MBOAT2: variants seen among roughly 807,000 people sequenced by gnomAD.
MBOAT2 encodes the protein membrane-bound glycerophospholipid O-acyltransferase 2.
In MBOAT2, 28 loss-of-function variants were observed where a neutral mutation model predicts 63.4. The ratio of observed to expected loss-of-function variants is 0.44; its 90% CI spans 0.33 to 0.61. MBOAT2 has a LOEUF of 0.61. Ranked by LOEUF, MBOAT2 falls within the 20% of genes least tolerant of loss-of-function variation. The pLI, the probability that MBOAT2 is intolerant of heterozygous loss-of-function variation, is 0.03. For synonymous variants in MBOAT2, 211 were observed against 215.6 expected (o/e 0.98, Z 0.19); for missense variants, 470 against 605.8 (o/e 0.78, Z 2.35).
chr2:8,893,070 T>TGGGGGAGGAGGCAGGGGGAGGGGGG (rs1664130933), intron 4 of MBOAT2, among the ~76,000 whole-genome samples: 7 of 14,432 alleles, frequency 4.9e-4, no homozygotes, highest in South Asian at 2.3e-3. Context: ...GGGGAGGGGG[T>TGGGGGAGGAGGCAGGGGGAGGGGGG]GGGGGAGGAG....
chr2:8,934,905 T>C (rs757082986), intron 3 of MBOAT2, among the ~76,000 whole-genome samples: 1 of 152,156 alleles, frequency 6.6e-6, no homozygotes, highest in Non-Finnish European at 1.5e-5. Context: ...ACTTCCAAGA[T>C]CATCATTCAT....
intron 4 of MBOAT2, among the ~76,000 whole-genome samples, chr2:8,907,375 AG>A (rs1466944693): frequency 6.6e-6 from 1 of 152,258 alleles, no homozygotes; most frequent in Non-Finnish European, 1.5e-5. Context: ...AGACCAATAT[AG>A]GTGCAAATTC....
At chr2:8,908,593 G>T in intron 4 of MBOAT2, 28 bp downstream of exon 4, 2 of 1,290,990 alleles carry the variant, frequency 1.5e-6, no homozygotes, top group Non-Finnish European at 2.2e-6. Flanking sequence ...GGATAAAACA[G>T]GCTACTGAAT....
At chr2:8,909,819 C>T (rs1665582239) in intron 3 of MBOAT2, among the ~76,000 whole-genome samples, 1 of 152,150 alleles carries the variant, frequency 6.6e-6, no homozygotes, top group Non-Finnish European at 1.5e-5. Context: ...ATTGAGAAAT[C>T]AAATTTTAAA....
intron 1 of MBOAT2, among the ~76,000 whole-genome samples, chr2:8,973,067 C>T (rs1196801362): frequency 6.6e-6 from 1 of 152,166 alleles, no homozygotes; most frequent in African/African-American, 2.4e-5. Context: ...GATAAATGCA[C>T]ACATATTTTT....
At chr2:9,000,801 T>C (rs1028051850) in intron 1 of MBOAT2, among the ~76,000 whole-genome samples, 1 of 152,246 alleles carries the variant, frequency 6.6e-6, no homozygotes, top group Non-Finnish European at 1.5e-5. Context: ...ACTGAATTTA[T>C]AAAATATATT....
In MBOAT2 at chr2:8,877,231, G is replaced by C. The variant is rs1247137967; in HGVS notation, c.507-18C>G. The C allele has an allele frequency of 1.2e-6, 2 of 1,603,844 alleles. No individual in the cohort carries two copies. The highest frequency in any genetic ancestry group is 2.7e-5 in the African/African-American group (2 of 74,578). On this transcript the variant is annotated intron_variant, in intron 6 of 12. Transcript: ENST00000305997. ...GCATGCGCCTGCAATGAAAAGACAT[G>C]CAACCAGTGAGATGCAGCATAAGCT... is the stretch of plus-strand genomic sequence containing the variant.
At chr2:8,979,573 T>C (rs1472849155) in intron 1 of MBOAT2, among the ~76,000 whole-genome samples, 1 of 152,164 alleles carries the variant, frequency 6.6e-6, no homozygotes, top group Non-Finnish European at 1.5e-5. Flanking sequence ...GTTGTTAAGA[T>C]ACTTGCAAGC....
chr2:8,907,829 A>G (rs561659447), intron 4 of MBOAT2, among the ~76,000 whole-genome samples: 2 of 152,278 alleles, frequency 1.3e-5, no homozygotes, highest in East Asian at 3.9e-4. Context: ...CTTGTTTTAT[A>G]GAAGTGATTT....
chr2:8,948,333 C>T (rs1429274493), intron 2 of MBOAT2, among the ~76,000 whole-genome samples: 1 of 152,074 alleles, frequency 6.6e-6, no homozygotes, highest in Non-Finnish European at 1.5e-5. Context: ...ATAACAACAA[C>T]AAAAAATTTT....
At chr2:8,932,411 A>G (rs971710588) in intron 3 of MBOAT2, among the ~76,000 whole-genome samples, 5 of 152,222 alleles carry the variant, frequency 3.3e-5, no homozygotes, top group Non-Finnish European at 7.3e-5. Context: ...TGAAGAAGAC[A>G]GAGAAGAAGC....
In MBOAT2 at chr2:9,003,360, G is replaced by A. The variant is rs1302324168; in HGVS notation, c.75+180C>T. 3.9e-5 allele frequency among the ~76,000 whole-genome samples: 6 copies of A among 152,034 alleles called. No homozygotes were observed. Among genetic ancestry groups the A allele is most frequent in the Non-Finnish European group, 8.8e-5 (6 of 67,962 alleles). On this transcript the variant is annotated intron_variant, in intron 1 of 12. Transcript: ENST00000305997. The surrounding 1 kb of genome is among the most constrained non-coding windows in gnomAD (Gnocchi z 5.4). The stretch of plus-strand genomic sequence containing the variant: ...GCGGGCTGGGGGCGCACCCAGGAGG[G>A]AGGGGGCTCTGGGACAATAACCGGC...
At chr2:8,974,512 T>C in intron 1 of MBOAT2, 1 of 445,496 alleles carries the variant, frequency 2.2e-6, no homozygotes, top group East Asian at 7.0e-5. Context: ...AGCCACTGAA[T>C]TAACCAATCC....
At chr2:8,933,247 CTTATTT>C (rs2103209528) in intron 3 of MBOAT2, among the ~76,000 whole-genome samples, 1 of 152,150 alleles carries the variant, frequency 6.6e-6, no homozygotes, top group South Asian at 2.1e-4. Flanking sequence ...GAGTAATATT[CTTATTT>C]TAAGTTACTA....
At chr2:8,906,093 G>C (rs1665308282) in intron 4 of MBOAT2, among the ~76,000 whole-genome samples, 1 of 149,224 alleles carries the variant, frequency 6.7e-6, no homozygotes, top group African/African-American at 2.6e-5. Flanking sequence ...TGAGTAGCTG[G>C]GGCTACAGGT....
chr2:8,864,404 G>T (rs540759518), intron 9 of MBOAT2, among the ~76,000 whole-genome samples, 170 bp from the exon 10 acceptor site: 1 of 151,670 alleles, frequency 6.6e-6, no homozygotes, highest in Non-Finnish European at 1.5e-5. Context: ...ATCATTCTAC[G>T]TAAGACAAGT....
At chr2:8,864,077 C>T (rs548078913) in intron 10 of MBOAT2, 93 bp downstream of exon 10, 10 of 857,836 alleles carry the variant, frequency 1.2e-5, no homozygotes, top group Middle Eastern at 4.6e-4. Context: ...CACTCAACAC[C>T]GTTAATTTAA....
intron 4 of MBOAT2, among the ~76,000 whole-genome samples, chr2:8,903,815 C>T (rs1665137145): frequency 1.3e-5 from 2 of 152,182 alleles, no homozygotes. Flanking sequence ...TCCTGCTTTA[C>T]AGACGGCAGT....
At chr2:8,893,120 CA>C (rs1424511435) in intron 4 of MBOAT2, among the ~76,000 whole-genome samples, 1 of 78,802 alleles carries the variant, frequency 1.3e-5, no homozygotes, top group African/African-American at 5.2e-5. Flanking sequence ...GGGAGGTGGG[CA>C]GGGGGAGATG....
Sources: gnomAD v4.1 joint callset for allele counts (sites outside exome capture counted in the v4.1 genomes callset) on GRCh38, gnomAD v4.1.1 for gene constraint, Gnocchi (gnomAD v3.1) non-coding constraint, MANE v1.5 for transcripts, NCBI Gene and HGNC (gene_info 2026-07-23, HGNC 2026-07-21) for gene names.